FOXO1: variants seen among roughly 807,000 people sequenced by gnomAD.
FOXO1 encodes forkhead box protein O1.
Under a neutral mutation model 44.1 loss-of-function variants are expected in FOXO1, and 6 were observed. The observed-to-expected ratio is 0.14, with a 90% CI of 0.07 to 0.27. The LOEUF is 0.27. FOXO1 is among the 10% of genes least tolerant of loss of function. FOXO1 has a pLI of 1.00. For synonymous variants in FOXO1, 380 were observed against 362.7 expected (o/e 1.05, Z -0.54); for missense variants, 737 against 888.8 (o/e 0.83, Z 2.17).
chr13:40,659,376 C>T (rs1170031182), intron 1 of FOXO1, among the ~76,000 whole-genome samples: 1 of 150,160 alleles, frequency 6.7e-6, no homozygotes, highest in Non-Finnish European at 1.5e-5. Context: ...ACGCCCAACT[C>T]TCATAAAGAG....
At chr13:40,618,406 C>T (rs1484850274) in intron 1 of FOXO1, among the ~76,000 whole-genome samples, 1 of 152,144 alleles carries the variant, frequency 6.6e-6, no homozygotes, top group East Asian at 1.9e-4. Flanking sequence ...TGTAGAATAC[C>T]ACCAATTCAT....
At chr13:40,645,962 G>A (rs1877494699) in intron 1 of FOXO1, among the ~76,000 whole-genome samples, 1 of 151,848 alleles carries the variant, frequency 6.6e-6, no homozygotes, top group Admixed American at 6.6e-5. Flanking sequence ...CTACTCCGGT[G>A]AGGCTGAGGC....
At chr13:40,571,546 C>T (rs1487768719) in intron 1 of FOXO1, among the ~76,000 whole-genome samples, 3 of 152,132 alleles carry the variant, frequency 2.0e-5, no homozygotes, top group African/African-American at 7.2e-5. Flanking sequence ...GCCAAATCCA[C>T]AGCAGACAGC....
chr13:40,627,730 A>G (rs1593406234), intron 1 of FOXO1, among the ~76,000 whole-genome samples: 1 of 151,798 alleles, frequency 6.6e-6, no homozygotes. Context: ...CTACTCGGGA[A>G]GCTGAGACAG....
chr13:40,638,863 AG>A (rs530709591), intron 1 of FOXO1, among the ~76,000 whole-genome samples: 140 of 152,200 alleles, frequency 9.2e-4, no homozygotes, highest in African/African-American at 3.2e-3. Context: ...AATGGAAGGA[AG>A]GGGGGCAGGG....
chr13:40,595,582 G>A (rs1216083493), intron 1 of FOXO1, among the ~76,000 whole-genome samples: 6 of 152,034 alleles, frequency 3.9e-5, no homozygotes, highest in African/African-American at 1.5e-4. Flanking sequence ...GGGCAGGGGT[G>A]GTAATATTTC....
intron 1 of FOXO1, chr13:40,621,106 G>T: frequency 6.6e-6 from 2 of 303,910 alleles, no homozygotes; most frequent in South Asian, 9.4e-5. Context: ...CTGAATACAT[G>T]ATTTAACCAA....
Position 40,657,598 on chromosome 13 carries a change from T to C in FOXO1, c.630+7985A>G, listed in dbSNP as rs548064682. Among the ~76,000 whole-genome samples, 10 of 152,310 alleles carry C rather than the reference T, an allele frequency of 6.6e-5. No individual in the cohort carries two copies. The East Asian group carries it at 1.9e-3, about 29-fold the overall frequency. On this transcript the variant is annotated intron_variant, in intron 1 of 2. Coordinates refer to ENST00000379561, the MANE Select transcript of FOXO1 (RefSeq NM_002015.4). ...ATCTGCCCACCTTGGCCTCCCAAAG[T>C]GCTGGGATTACAGGCATGACCCACT...
Position 40,639,491 on chromosome 13 carries a change from C to T in FOXO1, c.630+26092G>A, listed in dbSNP as rs559170741. ...GTTTTTTATTCCAATAGTTCAAAAT[C>T]ACTCACTAAGCAACAAAGGCATTTT... On this transcript the variant is annotated intron_variant, in intron 1 of 2. Transcript: ENST00000379561. Among the ~76,000 whole-genome samples the T allele has an allele frequency of 2.0e-5, 3 of 152,336 alleles. No homozygotes were observed. In the South Asian group the frequency reaches 6.2e-4, roughly 32 times the overall value.
chr13:40,575,807 A>C (rs180971834), intron 1 of FOXO1, among the ~76,000 whole-genome samples: 2 of 152,332 alleles, frequency 1.3e-5, no homozygotes, highest in Non-Finnish European at 2.9e-5. Flanking sequence ...AGAAACGTTA[A>C]GGTGCAGCAC....
At chr13:40,569,555 T>C (rs1360245323) in intron 1 of FOXO1, among the ~76,000 whole-genome samples, 2 of 152,240 alleles carry the variant, frequency 1.3e-5, no homozygotes, top group Admixed American at 6.5e-5. Flanking sequence ...CCAGCCTTCC[T>C]CAGGCTTATT....
At chr13:40,644,634 A>G (rs1002967548) in intron 1 of FOXO1, among the ~76,000 whole-genome samples, 2 of 152,226 alleles carry the variant, frequency 1.3e-5, no homozygotes, top group African/African-American at 4.8e-5. Flanking sequence ...GGTATTGGAC[A>G]TCCCAGTTAT....
At chr13:40,591,632 C>T (rs1875374737) in intron 1 of FOXO1, among the ~76,000 whole-genome samples, 2 of 152,102 alleles carry the variant, frequency 1.3e-5, no homozygotes, top group South Asian at 2.1e-4. Context: ...ACGCTTTAGA[C>T]CATAAAGGCC....
chr13:40,639,460 C>A (rs1345180048), intron 1 of FOXO1, among the ~76,000 whole-genome samples: 2 of 152,216 alleles, frequency 1.3e-5, no homozygotes, highest in Non-Finnish European at 2.9e-5. Context: ...GTTAGGAATT[C>A]TCTCAGTTTT....
intron 1 of FOXO1, chr13:40,619,952 C>T (rs1876553685): frequency 2.9e-6 from 2 of 678,158 alleles, no homozygotes; most frequent in Non-Finnish European, 5.4e-6. Context: ...CCAATAAGAT[C>T]TACTATAAGT....
At chr13:40,618,121 C>T (rs58506165) in intron 1 of FOXO1, among the ~76,000 whole-genome samples, 115 of 152,306 alleles carry the variant, frequency 7.6e-4, no homozygotes, top group African/African-American at 2.7e-3. Flanking sequence ...CTCTGTCACC[C>T]AGGCTGGAGT....
chr13:40,659,176 G>A (rs1415844228), intron 1 of FOXO1, among the ~76,000 whole-genome samples: 1 of 151,838 alleles, frequency 6.6e-6, no homozygotes, highest in Non-Finnish European at 1.5e-5. Flanking sequence ...TTATCCAGGT[G>A]TGGTGGCATG....
chr13:40,620,241 G>A lies in FOXO1; in HGVS notation c.630+45342C>T. On this transcript the variant is annotated intron_variant, in intron 1 of 2. Coordinates refer to ENST00000379561, the MANE Select transcript of FOXO1 (RefSeq NM_002015.4). Reference sequence around the variant, plus strand: ...TCACACTGGACCTTCAAGTGAGAAGGATCCATCCCGGAGAAAATAGAGATC... The same window carrying A: ...TCACACTGGACCTTCAAGTGAGAAGAATCCATCCCGGAGAAAATAGAGATC... The A allele has an allele frequency of 7.2e-6, 11 of 1,521,930 alleles. No homozygotes were observed. The South Asian group carries it at 1.2e-4, about 17-fold the overall frequency. 94.3% of individuals were successfully genotyped at this position (1,521,930 alleles called of 1,614,324 possible). A position where few individuals can be genotyped will look rare whatever the true frequency, so the allele number is the denominator to read the frequency against.
At chr13:40,609,266 A>C (rs1876139203) in intron 1 of FOXO1, among the ~76,000 whole-genome samples, 1 of 152,126 alleles carries the variant, frequency 6.6e-6, no homozygotes, top group Non-Finnish European at 1.5e-5. Context: ...CTGGGAGCCT[A>C]CTGCTTCTTT....
Sources: gnomAD v4.1 joint callset for allele counts (sites outside exome capture counted in the v4.1 genomes callset) on GRCh38, gnomAD v4.1.1 for gene constraint, MANE v1.5 for transcripts, NCBI Gene and HGNC (gene_info 2026-07-23, HGNC 2026-07-21) for gene names.